DACH2: variants seen among roughly 807,000 people sequenced by gnomAD.
DACH2 encodes the protein dachshund family transcription factor 2.
Under a neutral mutation model 35.8 loss-of-function variants are expected in DACH2, and 17 were observed. The ratio of observed to expected loss-of-function variants is 0.48; its 90% confidence interval spans 0.33 to 0.71. The LOEUF (loss-of-function observed/expected upper bound fraction) is 0.71. DACH2 is among the 30% of genes least tolerant of loss of function. The probability of loss-of-function intolerance (pLI) is 0.02; values close to 1 mark genes in which losing one functional copy is unlikely to be tolerated. For missense variants in DACH2, 469 were observed against 472.7 expected (o/e 0.99, Z 0.07); for synonymous variants, 195 against 177.3 (o/e 1.10, Z -0.79).
At chrX:86,662,459 C>T (rs927836434) in intron 4 of DACH2, among the ~76,000 whole-genome samples, 7 of 110,801 alleles carry the variant, frequency 6.3e-5, no homozygotes, top group Non-Finnish European at 1.3e-4. Flanking sequence ...ATTAGCCGGG[C>T]GTGGTGGCAC....
At chrX:86,662,709 A>G (rs2040620268) in intron 4 of DACH2, among the ~76,000 whole-genome samples, 1 of 111,792 alleles carries the variant, frequency 8.9e-6, no homozygotes, top group African/African-American at 3.2e-5. Flanking sequence ...CACTGGGTGA[A>G]CTGTCTTAAG....
intron 1 of DACH2, among the ~76,000 whole-genome samples, chrX:86,355,402 C>T (rs1347199859): frequency 3.6e-5 from 4 of 112,227 alleles, no homozygotes; most frequent in African/African-American, 1.3e-4. Flanking sequence ...GGTTGAATGG[C>T]AGTTCTGTTT....
At chrX:86,161,745 A>G (rs1394322369) in intron 1 of DACH2, among the ~76,000 whole-genome samples, 1 of 112,183 alleles carries the variant, frequency 8.9e-6, no homozygotes, top group Non-Finnish European at 1.9e-5. Flanking sequence ...TTTAATTGGT[A>G]TACGTACATT....
In DACH2 at chrX:86,411,020, T is replaced by TTATATATA. The variant is rs36194671; in HGVS notation, c.527+34170_527+34177dup. ...CTCTAGAGGGACAGAACTAATATGA[T>TTATATATA]TATATATATATATATATATGTATAT... On this transcript the variant is annotated intron_variant, in intron 2 of 11. Coordinates refer to ENST00000373125, the MANE Select transcript of DACH2 (RefSeq NM_053281.3). Among the ~76,000 whole-genome samples, 279 of 40,487 alleles carry TTATATATA rather than the reference T, an allele frequency of 6.9e-3. 17 individuals are homozygous for TTATATATA. The highest frequency in any genetic ancestry group is 0.016 in the African/African-American group (176 of 10,804). The allele number at this position is 40,487 out of a possible 115,157, so 35.2% of individuals were successfully genotyped here.
intron 3 of DACH2, among the ~76,000 whole-genome samples, chrX:86,600,497 C>A (rs2039776033): frequency 8.9e-6 from 1 of 112,259 alleles, no homozygotes; most frequent in Non-Finnish European, 1.9e-5. Flanking sequence ...AATTTCTCAT[C>A]TATGCCGTGT....
intron 6 of DACH2, among the ~76,000 whole-genome samples, chrX:86,715,777 A>C (rs1406131332): frequency 9.0e-6 from 1 of 111,392 alleles, no homozygotes; most frequent in East Asian, 2.8e-4. Flanking sequence ...AATTTAGAGG[A>C]AGGAGTGATT....
intron 7 of DACH2, among the ~76,000 whole-genome samples, chrX:86,809,372 A>G (rs1382895113): frequency 9.0e-6 from 1 of 111,528 alleles, no homozygotes; most frequent in Non-Finnish European, 1.9e-5. Flanking sequence ...AACCCTATCT[A>G]GTAAACTCCT....
At chrX:86,310,616 G>A (rs780380976) in intron 1 of DACH2, among the ~76,000 whole-genome samples, 47 of 112,130 alleles carry the variant, frequency 4.2e-4, no homozygotes, top group Non-Finnish European at 7.5e-4. Flanking sequence ...ACTTTGCATG[G>A]AAGGAGAAAT....
rs180795719 is a variant in DACH2 at position 86,420,465 on chromosome X, T to C, written c.527+43603T>C. On this transcript the variant is annotated intron_variant, in intron 2 of 11. Coordinates refer to ENST00000373125, the MANE Select transcript of DACH2 (RefSeq NM_053281.3). Reference sequence around the variant, plus strand: ...TTTAGAGAGGGCTTTGTTAAAATATTCCATGGAGTTTATGCCTTGTCTAAT... The same window carrying C: ...TTTAGAGAGGGCTTTGTTAAAATATCCCATGGAGTTTATGCCTTGTCTAAT... 2.7e-4 allele frequency among the ~76,000 whole-genome samples: 30 copies of C among 111,694 alleles called. No homozygotes were observed. The East Asian group carries it at 7.3e-3, about 27-fold the overall frequency.
chrX:86,256,237 T>C (rs746811534), intron 1 of DACH2, among the ~76,000 whole-genome samples: 1 of 111,546 alleles, frequency 9.0e-6, no homozygotes, highest in East Asian at 2.8e-4. Flanking sequence ...TTAATCAACA[T>C]ACTAATCAGA....
At chrX:86,242,877 T>C (rs896206530) in intron 1 of DACH2, among the ~76,000 whole-genome samples, 3 of 111,666 alleles carry the variant, frequency 2.7e-5, no homozygotes, top group African/African-American at 9.8e-5. Context: ...TTTGGTAAGA[T>C]GTGCTTGCTT....
At chrX:86,574,920 A>G (rs2039417566) in intron 3 of DACH2, among the ~76,000 whole-genome samples, 1 of 111,850 alleles carries the variant, frequency 8.9e-6, no homozygotes, top group South Asian at 3.7e-4. Flanking sequence ...ATGGGCATAT[A>G]TGAAATCTCA....
intron 1 of DACH2, among the ~76,000 whole-genome samples, chrX:86,259,669 GT>G (rs1322990824): frequency 8.9e-6 from 1 of 112,030 alleles, no homozygotes; most frequent in Non-Finnish European, 1.9e-5. Context: ...CTAGCATAGT[GT>G]CTTGCACATA....
At chrX:86,449,438 A>G (rs1038213170) in intron 2 of DACH2, among the ~76,000 whole-genome samples, 3 of 110,926 alleles carry the variant, frequency 2.7e-5, no homozygotes, top group Non-Finnish European at 5.7e-5. Flanking sequence ...TTCTTTATTT[A>G]TTTAGCCACT....
At chrX:86,514,800 T>C (rs1271869896) in intron 3 of DACH2, among the ~76,000 whole-genome samples, 1 of 111,192 alleles carries the variant, frequency 9.0e-6, no homozygotes, top group Non-Finnish European at 1.9e-5. Flanking sequence ...GTCCAAGTTA[T>C]TACTCTAGGT....
intron 1 of DACH2, among the ~76,000 whole-genome samples, chrX:86,276,800 G>A (rs910482574): frequency 1.8e-5 from 2 of 111,841 alleles, no homozygotes; most frequent in African/African-American, 3.2e-5. Flanking sequence ...TTTCTCCAGC[G>A]TATGTTGTTG....
At chrX:86,772,323 C>CA (rs2041994828) in intron 7 of DACH2, among the ~76,000 whole-genome samples, 1 of 111,351 alleles carries the variant, frequency 9.0e-6, no homozygotes, top group Admixed American at 9.6e-5. Flanking sequence ...TTAACTGTCC[C>CA]AATAGCAAGA....
At chrX:86,664,756 T>C (rs2040646924) in intron 4 of DACH2, among the ~76,000 whole-genome samples, 1 of 112,210 alleles carries the variant, frequency 8.9e-6, no homozygotes, top group African/African-American at 3.2e-5. Flanking sequence ...AGGATTCTGC[T>C]TGAGTTGAAA....
chrX:86,722,293 G>A (rs189053369), intron 6 of DACH2, among the ~76,000 whole-genome samples: 146 of 111,429 alleles, frequency 1.3e-3, no homozygotes, highest in Non-Finnish European at 1.3e-3. Context: ...GTGTTGAGAT[G>A]ATTATATGAT....
Sources: gnomAD v4.1 joint callset for allele counts (sites outside exome capture counted in the v4.1 genomes callset) on GRCh38, gnomAD v4.1.1 for gene constraint, MANE v1.5 for transcripts, NCBI Gene and HGNC (gene_info 2026-07-23, HGNC 2026-07-21) for gene names.